The following IPO4 variants were observed in gnomAD, a reference collection of about 807,000 sequenced individuals.
IPO4 encodes the protein importin-4.
Under a neutral mutation model 133.5 loss-of-function variants are expected in IPO4, and 91 were observed. That is an observed-to-expected ratio of 0.68 (90% CI 0.58 to 0.81). IPO4 has a LOEUF of 0.81. Among genes scored for constraint, IPO4 ranks in the 30% least tolerant of loss-of-function variants. IPO4 has a pLI of 0.00. For synonymous variants in IPO4, 607 were observed against 581.6 expected, an observed-to-expected ratio of 1.04 and a Z score of -0.63; for missense variants, 1,279 against 1,386.2, an observed-to-expected ratio of 0.92 and a Z score of 1.23.
rs374178234 is a variant in IPO4 at position 24,188,814 on chromosome 14, G to A, written c.-27C>T. ...GCAGCAACTGAGCCGCCGCTACTGGGCCGAAAAGGGGAGGGGGAGGGACAG... is the reference window on the plus strand; with the variant it reads ...GCAGCAACTGAGCCGCCGCTACTGGACCGAAAAGGGGAGGGGGAGGGACAG... On this transcript the variant is annotated 5_prime_UTR_variant, in exon 1 of 30. Transcript: ENST00000354464. 71 of 1,477,620 alleles carry A rather than the reference G, an allele frequency of 4.8e-5. No individual in the cohort carries two copies. The African/African-American group carries it at 8.1e-4, about 17-fold the overall frequency. The allele number at this position is 1,477,620 out of a possible 1,614,324, so 91.5% of individuals were successfully genotyped here. A position where few individuals can be genotyped will look rare whatever the true frequency, so the allele number is the denominator to read the frequency against.
intron 11 of IPO4, 73 bp downstream of exon 11, chr14:24,186,056 T>C: frequency 6.2e-7 from 1 of 1,600,900 alleles, no homozygotes. Context: ...TCCCAGGGTC[T>C]AAACGTCGTT....
rs1471012912 is a variant in IPO4 at position 24,181,822 on chromosome 14, C to G, written c.2829G>C (p.Gly943=). 2 of 1,596,316 alleles carry G rather than the reference C, an allele frequency of 1.3e-6. No homozygotes were observed. The highest frequency in any genetic ancestry group is 2.3e-5 in the South Asian group (2 of 88,660). ...CCCGCGCCAGGAGGGGAAAAAGGAG[C>G]CCCAGCAGCTTGGGGAAGTGTCTGG... The part of the protein sequence containing the change: ...PAQEHFPKLL[G]LLFPLLARER... The change falls in exon 27 of 30, where the codon GGG becomes GGC. Residue 943 remains glycine (G), a synonymous_variant. Transcript: ENST00000354464.
intron 17 of IPO4, 59 bp downstream of exon 17, chr14:24,184,239 C>G (rs1174372682): frequency 2.6e-6 from 4 of 1,564,330 alleles, no homozygotes; most frequent in Admixed American, 1.9e-5. Flanking sequence ...TCCAGTGGGT[C>G]CAGTGGGAAG....
At chr14:24,183,976 A>ACCCC in intron 18 of IPO4, 22 bp downstream of exon 18, 1 of 180,814 alleles carries the variant, frequency 5.5e-6, no homozygotes, top group Admixed American at 6.7e-5. Context: ...GGCCTGGCCC[A>ACCCC]GCCCACCCAC....
rs745921496 is a variant in IPO4, at chr14:24,185,465, G to T, written c.1272C>A (p.Asn424Lys). 2 of 1,614,022 alleles carry T rather than the reference G, an allele frequency of 1.2e-6. No individual in the cohort carries two copies. The highest frequency in any genetic ancestry group is 1.7e-6 in the Non-Finnish European group (2 of 1,179,982). The change falls in exon 13 of 30, where the codon AAC becomes AAA. Residue 424 changes from asparagine (N) to lysine (K), a missense_variant. Around this residue, in one of 3 missense-constraint regions of IPO4, gnomAD observed 695 missense variants for 704.1 expected, o/e 0.99. Transcript: ENST00000354464. ...ALFALGQFSE[N>K]LQPHISSYSR... ...CACATTCAGCCTGGTTCACCTGTAGGTTTTCTGAGAACTGGCCCAGGGCAA... is the reference window on the plus strand; with the variant it reads ...CACATTCAGCCTGGTTCACCTGTAGTTTTTCTGAGAACTGGCCCAGGGCAA...
At position 24,186,129 on chromosome 14, in the gene IPO4, C is replaced by G; in HGVS notation, c.1059G>C (p.Leu353=). The G allele has an allele frequency of 6.2e-7, 1 of 1,613,822 alleles. No individual in the cohort carries two copies. The highest frequency in any genetic ancestry group is 1.1e-5 in the South Asian group (1 of 91,038). The change falls in exon 11 of 30, where the codon CTG becomes CTC. Residue 353 remains leucine, a splice_region_variant and synonymous_variant. Coordinates refer to ENST00000354464, the MANE Select transcript of IPO4 (RefSeq NM_024658.4). ...ACCAGAAGGACAGAGCCACACTTAC[C>G]AGCTGGGGACAGAGCTTCTCGGGGG... ...HLPPEKLCPQ[L]MPMLEEALRS... is the part of the protein sequence containing the mutation.
chr14:24,186,364 G>A lies in IPO4; in HGVS notation c.928C>T (p.Pro310Ser). The A allele has an allele frequency of 6.2e-7, 1 of 1,613,340 alleles. No individual in the cohort carries two copies. Among genetic ancestry groups the A allele is most frequent in the Non-Finnish European group, 8.5e-7 (1 of 1,179,640 alleles). ...AAEPPPGQLD[P>S]EDQDSEEEEL... is the part of the protein sequence containing the mutation. ...TCCTCTTCTGAATCCTGGTCCTCGG[G>A]ATCCAACTGGCCTGGTGGGGGCTCA... The change falls in exon 10 of 30, where the codon CCC becomes TCC. Residue 310 changes from proline (P) to serine (S), a missense_variant. Pro to Ser is a moderately conservative substitution (Grantham distance 74, BLOSUM62 -1). Transcript: ENST00000354464.
chr14:24,187,806 GGA>G lies in IPO4; in HGVS notation c.279-12_279-11del. 6.2e-7 allele frequency: 1 copy of G among 1,613,996 alleles called. No homozygotes were observed. Among genetic ancestry groups the G allele is most frequent in the Admixed American group, 1.7e-5 (1 of 60,004 alleles). Reference sequence around the variant, plus strand: ...GAGGCTCACACAGTGCCTGCAAACAGGAGAGATCTCCTCCAATCACCCTTCAA... The same window carrying G: ...GAGGCTCACACAGTGCCTGCAAACAGGAGATCTCCTCCAATCACCCTTCAA... On this transcript the variant is annotated splice_polypyrimidine_tract_variant and intron_variant, in intron 4 of 29. Coordinates refer to ENST00000354464, the MANE Select transcript of IPO4 (RefSeq NM_024658.4).
In IPO4 at chr14:24,184,662, T is replaced by C; in HGVS notation, c.1624A>G (p.Ile542Val). The C allele has an allele frequency of 6.2e-7, 1 of 1,602,280 alleles. No individual in the cohort carries two copies. The highest frequency in any genetic ancestry group is 1.1e-5 in the South Asian group (1 of 89,122). ...TGREDLQPVQ[I>V]QSLETLGVLA... ...ACCTCTCACTCACCCAGGCTCTGGA[T>C]CTGCACAGGCTGAAGGTCCTCACGG... Residue 542 changes from isoleucine to valine, a missense_variant, in exon 16 of 30, where the codon ATC becomes GTC. This residue lies in a region of IPO4 where 695 missense variants were observed against 704.1 expected (regional missense o/e 0.99). Transcript: ENST00000354464.
intron 10 of IPO4, 21 bp from the exon 11 acceptor site, chr14:24,186,203 T>C (rs763798201): frequency 1.1e-5 from 18 of 1,612,972 alleles, no homozygotes; most frequent in Non-Finnish European, 1.4e-5. Flanking sequence ...ATGGGGAGAC[T>C]TACTTTGCTT....
At chr14:24,183,967 G>C (rs1380437870) in intron 18 of IPO4, 31 bp downstream of exon 18, 9 of 1,602,010 alleles carry the variant, frequency 5.6e-6, no homozygotes, top group Non-Finnish European at 6.8e-6. Flanking sequence ...TGCAGGGCAG[G>C]CCTGGCCCAG....
Position 24,183,677 on chromosome 14 carries a change from G to A in IPO4, c.1986-10C>T. 1 of 1,614,164 alleles carries A rather than the reference G, an allele frequency of 6.2e-7. No homozygotes were observed. Among genetic ancestry groups the A allele is most frequent in the Non-Finnish European group, 8.5e-7 (1 of 1,180,006 alleles). The stretch of plus-strand genomic sequence containing the variant: ...ATTCTCCACGCTGTACCTAGAGTAA[G>A]AAGGGGAGGCAGTGGTGATCAGGCA... On this transcript the variant is annotated splice_polypyrimidine_tract_variant and intron_variant, in intron 19 of 29. Transcript: ENST00000354464.
chr14:24,188,213 TACTC>T lies in IPO4; in HGVS notation c.277_278+2del. 1 of 1,613,136 alleles carries T rather than the reference TACTC, an allele frequency of 6.2e-7. No individual in the cohort carries two copies. The highest frequency in any genetic ancestry group is 8.5e-7 in the Non-Finnish European group (1 of 1,179,556). On this transcript the variant is annotated splice_donor_variant and coding_sequence_variant, in exon 4 of 30. Coordinates refer to ENST00000354464, the MANE Select transcript of IPO4 (RefSeq NM_024658.4). LOFTEE classifies it high-confidence loss of function. ...ATCCCGAGAGAAGTGGGTAGGTACT[TACTC>T]TGTTTCTCTCTGCAGGGCCGTCAGG...
In IPO4 at chr14:24,183,012, C is replaced by T; in HGVS notation, c.2385G>A (p.Glu795=). 1 of 1,613,782 alleles carries T rather than the reference C, an allele frequency of 6.2e-7. No individual in the cohort carries two copies. The highest frequency in any genetic ancestry group is 8.5e-7 in the Non-Finnish European group (1 of 1,179,914). Residue 795 remains glutamate, a synonymous_variant, in exon 23 of 30, where the codon GAG becomes GAA. Coordinates refer to ENST00000354464, the MANE Select transcript of IPO4 (RefSeq NM_024658.4). ...GCACAGCCTTGAGCACGCCACAGAG[C>T]TCAGCGAGGCGCCCAGGGGGCTTCA... The part of the protein sequence containing the change: ...LTLKPPGRLA[E]LCGVLKAVLQ...
At chr14:24,181,190 C>T (rs73604930) in intron 28 of IPO4, among the ~76,000 whole-genome samples, 198 of 152,266 alleles carry the variant, frequency 1.3e-3, no homozygotes, top group African/African-American at 4.6e-3. Context: ...CTCCACAGAG[C>T]ACAGTTTGAA....
intron 24 of IPO4, 98 bp from the exon 25 acceptor site, chr14:24,182,501 T>C: frequency 6.7e-7 from 1 of 1,499,556 alleles, no homozygotes; most frequent in Non-Finnish European, 9.0e-7. Context: ...TCCCTGGGGC[T>C]GCCCTTGGTT....
rs371255125 is a variant in IPO4, at chr14:24,180,626, G to C, written c.3116-54C>G. The C allele has an allele frequency of 1.9e-6, 3 of 1,612,460 alleles. No individual in the cohort carries two copies. In the African/African-American group the frequency reaches 4.0e-5, roughly 22 times the overall value. ...GGGCTCCTAAAGCCTCGCTGCCCCA[G>C]GCTCTCTGAGCCCTGCCACTCCCAG... On this transcript the variant is annotated intron_variant, in intron 29 of 29. Coordinates refer to ENST00000354464, the MANE Select transcript of IPO4 (RefSeq NM_024658.4).
At chr14:24,187,222 C>A in intron 6 of IPO4, 72 bp from the exon 7 acceptor site, 1 of 1,556,766 alleles carries the variant, frequency 6.4e-7, no homozygotes. Context: ...TTCCTCACAG[C>A]CTGAATTGCG....
rs1454125596 is a variant in IPO4 at position 24,185,231 on chromosome 14, G to C, written c.1360C>G (p.His454Asp). 9 of 1,614,034 alleles carry C rather than the reference G, an allele frequency of 5.6e-6. No individual in the cohort carries two copies. The highest frequency in any genetic ancestry group is 3.3e-5 in the Admixed American group (2 of 59,996). The change falls in exon 14 of 30, where the codon CAC becomes GAC. Residue 454 changes from histidine (H) to aspartate (D), a missense_variant. Coordinates refer to ENST00000354464, the MANE Select transcript of IPO4 (RefSeq NM_024658.4). ...AGGGCATAGCAGGCCTTGGCTAGGTGGTGTGTGTGTCCAAGAGGCACCGAC... is the reference window on the plus strand; with the variant it reads ...AGGGCATAGCAGGCCTTGGCTAGGTCGTGTGTGTGTCCAAGAGGCACCGAC... ...LKSVPLGHTHHLAKACYALEN... is the reference protein window; with the variant it reads ...LKSVPLGHTHDLAKACYALEN...
Sources: allele counts gnomAD v4.1 joint callset (sites outside exome capture counted in the v4.1 genomes callset), GRCh38; gene constraint gnomAD v4.1.1; regional missense constraint gnomAD v4.1.1; transcripts MANE v1.5; gene names NCBI Gene and HGNC (gene_info 2026-07-23, HGNC 2026-07-21).